FILIP1L: variants seen among roughly 807,000 people sequenced by gnomAD.
The protein encoded by FILIP1L is filamin A interacting protein 1 like.
Under a neutral mutation model 96.6 loss-of-function variants are expected in FILIP1L, and 55 were observed. That is an observed-to-expected ratio of 0.57 (90% CI 0.46 to 0.71). The LOEUF (loss-of-function observed/expected upper bound fraction) is 0.71. Ranked by LOEUF, FILIP1L falls within the 30% of genes least tolerant of loss-of-function variation. The probability of loss-of-function intolerance (pLI) is 0.00; values close to 1 mark genes in which losing one functional copy is unlikely to be tolerated. For missense variants in FILIP1L, 1,304 were observed against 1,321.2 expected (o/e 0.99, Z 0.20); for synonymous variants, 467 against 473.9 (o/e 0.99, Z 0.19).
At chr3:99,958,601 A>G (rs779202412) in intron 1 of FILIP1L, among the ~76,000 whole-genome samples, 4 of 150,060 alleles carry the variant, frequency 2.7e-5, no homozygotes, top group Non-Finnish European at 6.0e-5. Context: ...GAATTAGACA[A>G]CATTTCAGAA....
At chr3:100,005,385 C>T (rs1709959185) in intron 1 of FILIP1L, among the ~76,000 whole-genome samples, 2 of 152,188 alleles carry the variant, frequency 1.3e-5, no homozygotes, top group Non-Finnish European at 2.9e-5. Flanking sequence ...GAGTGGGGTC[C>T]CTCTACCCCC....
intron 1 of FILIP1L, among the ~76,000 whole-genome samples, chr3:100,047,768 T>G (rs1342408589): frequency 6.6e-6 from 1 of 152,080 alleles, no homozygotes; most frequent in Non-Finnish European, 1.5e-5. Flanking sequence ...CTTCCTCTTT[T>G]AACTGACAGG....
chr3:100,054,066 T>C (rs1349052084), intron 1 of FILIP1L, among the ~76,000 whole-genome samples: 1 of 152,242 alleles, frequency 6.6e-6, no homozygotes, highest in East Asian at 1.9e-4. Flanking sequence ...CCAAATCTTT[T>C]ACCACTTGAG....
chr3:100,062,093 C>CTGTTTTTTTTTT (rs2065577687), intron 1 of FILIP1L, among the ~76,000 whole-genome samples: 1 of 53,154 alleles, frequency 1.9e-5, no homozygotes, highest in Non-Finnish European at 3.4e-5. Context: ...CTGTCTTCTT[C>CTGTTTTTTTTTT]TTTTTTTTTT....
chr3:99,877,741 C>A (rs558645497), intron 4 of FILIP1L, among the ~76,000 whole-genome samples: 65 of 152,196 alleles, frequency 4.3e-4, no homozygotes, highest in African/African-American at 1.5e-3. Context: ...TATTAAATAT[C>A]CTTTTTGAGA....
At chr3:99,915,917 T>G (rs1706936610) in intron 4 of FILIP1L, among the ~76,000 whole-genome samples, 1 of 152,250 alleles carries the variant, frequency 6.6e-6, no homozygotes, top group South Asian at 2.1e-4. Context: ...TCTACATAAA[T>G]GCTTTCTTGG....
At chr3:99,908,188 C>T (rs1018566651) in intron 4 of FILIP1L, among the ~76,000 whole-genome samples, 2 of 152,176 alleles carry the variant, frequency 1.3e-5, no homozygotes, top group African/African-American at 4.8e-5. Context: ...CTGGATATGT[C>T]AGTACAAATT....
chr3:100,018,972 A>G (rs2107221825), intron 1 of FILIP1L, among the ~76,000 whole-genome samples: 2 of 152,326 alleles, frequency 1.3e-5, no homozygotes, highest in South Asian at 4.1e-4. Flanking sequence ...CATCAAGGAA[A>G]TATAAATCAA....
intron 1 of FILIP1L, among the ~76,000 whole-genome samples, chr3:100,030,074 A>G (rs1294292252): frequency 2.6e-5 from 4 of 152,202 alleles, no homozygotes; most frequent in Non-Finnish European, 5.9e-5. Context: ...AAAGGACCTT[A>G]AAACCCTTGT....
chr3:99,918,246 G>A (rs1467214357), intron 4 of FILIP1L, among the ~76,000 whole-genome samples: 1 of 152,108 alleles, frequency 6.6e-6, no homozygotes, highest in African/African-American at 2.4e-5. Context: ...AAAGTGCTAG[G>A]ATTACAGGTG....
Position 99,849,481 on chromosome 3 carries a change from G to T in FILIP1L, c.2195C>A (p.Thr732Asn). ...LKEKIHEYMA[T>N]EDLICHLQGD... Reference sequence around the variant, plus strand: ...CTGGAGGTGACATATTAGGTCTTCAGTTGCCATGTATTCATGAATTTTCTC... The same window carrying T: ...CTGGAGGTGACATATTAGGTCTTCATTTGCCATGTATTCATGAATTTTCTC... The change falls in exon 5 of 6, where the codon ACT (threonine) becomes AAT (asparagine). Residue 732 changes from threonine (T) to asparagine (N), a missense_variant. Transcript: ENST00000477258. The T allele has an allele frequency of 2.5e-6, 4 of 1,613,678 alleles. No individual in the cohort carries two copies. Among genetic ancestry groups the T allele is most frequent in the Non-Finnish European group, 3.4e-6 (4 of 1,179,944 alleles).
At chr3:99,861,008 C>T (rs1051480530) in intron 4 of FILIP1L, among the ~76,000 whole-genome samples, 4 of 152,170 alleles carry the variant, frequency 2.6e-5, no homozygotes, top group African/African-American at 9.7e-5. Context: ...AAGTTAATTA[C>T]TGTGAATACA....
chr3:99,990,829 A>C (rs764867025), intron 1 of FILIP1L, among the ~76,000 whole-genome samples: 3 of 152,218 alleles, frequency 2.0e-5, no homozygotes, highest in Non-Finnish European at 2.9e-5. Context: ...TGGAAGAAGC[A>C]AACATTTAAT....
At chr3:100,033,356 C>T (rs2065051647) in intron 1 of FILIP1L, among the ~76,000 whole-genome samples, 1 of 152,162 alleles carries the variant, frequency 6.6e-6, no homozygotes, top group Non-Finnish European at 1.5e-5. Flanking sequence ...AATGGAAAAC[C>T]CACAAGCTCA....
chr3:100,007,992 G>C (rs1710037395), intron 1 of FILIP1L, among the ~76,000 whole-genome samples: 1 of 152,076 alleles, frequency 6.6e-6, no homozygotes, highest in Non-Finnish European at 1.5e-5. Context: ...GGAATTATAG[G>C]TTATGGTTGT....
intron 4 of FILIP1L, among the ~76,000 whole-genome samples, chr3:99,877,331 A>G (rs781564743): frequency 5.9e-5 from 9 of 152,216 alleles, no homozygotes; most frequent in Non-Finnish European, 7.3e-5. Context: ...TCAAACAAGA[A>G]TGACGAAAAT....
intron 1 of FILIP1L, among the ~76,000 whole-genome samples, chr3:100,021,144 A>G (rs150961776): frequency 1.0e-3 from 158 of 152,290 alleles, no homozygotes; most frequent in African/African-American, 3.6e-3. Context: ...TCCTGACGCA[A>G]AATTCCCCAG....
At chr3:100,042,566 G>A (rs1252373353) in intron 1 of FILIP1L, among the ~76,000 whole-genome samples, 1 of 152,106 alleles carries the variant, frequency 6.6e-6, no homozygotes, top group African/African-American at 2.4e-5. Context: ...TTGGAAATTG[G>A]TAATCCATGT....
intron 2 of FILIP1L, 135 bp from the exon 3 acceptor site, chr3:99,930,164 A>G (rs1707431700): frequency 4.1e-6 from 3 of 731,658 alleles, no homozygotes; most frequent in African/African-American, 1.8e-5. Context: ...TCACACTTTT[A>G]TAAAAGGTAA....
Sources: allele counts gnomAD v4.1 joint callset (sites outside exome capture counted in the v4.1 genomes callset), GRCh38; gene constraint gnomAD v4.1.1; transcripts MANE v1.5; gene names NCBI Gene and HGNC (gene_info 2026-07-23, HGNC 2026-07-21).